NEK9: variants seen among roughly 807,000 people sequenced by gnomAD.
NEK9 encodes serine/threonine-protein kinase Nek9.
NEK9 carries 75 observed loss-of-function variants against 123.4 expected under a neutral mutation model. The observed-to-expected ratio is 0.61, with a 90% CI of 0.50 to 0.74. NEK9 has a LOEUF of 0.74. Ranked by LOEUF, NEK9 falls within the 30% of genes least tolerant of loss-of-function variation. The pLI is 0.00. For synonymous variants in NEK9, 438 were observed against 458.7 expected (o/e 0.95, Z 0.58); for missense variants, 952 against 1,214.4 (o/e 0.78, Z 3.21).
In NEK9 at chr14:75,124,034, A is replaced by T. The variant is rs1301321466; in HGVS notation, c.397+12T>A. 1 of 1,599,132 alleles carries T rather than the reference A, an allele frequency of 6.3e-7. No homozygotes were observed. Among genetic ancestry groups the T allele is most frequent in the Admixed American group, 1.7e-5 (1 of 59,834 alleles). ...AGTCTTGCTGGAAAAGTCCCACTGA[A>T]CTCTATCTTACCATTACAATATTCC... On this transcript the variant is annotated intron_variant, in intron 2 of 21. Transcript: ENST00000238616.
chr14:75,093,323 C>T (rs903096901), intron 18 of NEK9, among the ~76,000 whole-genome samples: 6 of 152,296 alleles, frequency 3.9e-5, no homozygotes, highest in Middle Eastern at 3.4e-3. Context: ...CTGTATTTGC[C>T]GTGTGAATTC....
chr14:75,120,699 C>A, intron 3 of NEK9, 119 bp from the exon 4 acceptor site: 2 of 745,164 alleles, frequency 2.7e-6, no homozygotes, highest in South Asian at 1.8e-5. Flanking sequence ...TTCAACATGA[C>A]TTGACATCTC....
In NEK9 at chr14:75,084,369, A is replaced by C. The variant is rs949933855; in HGVS notation, c.*195T>G. On this transcript the variant is annotated 3_prime_UTR_variant, in exon 22 of 22. Coordinates refer to ENST00000238616, the MANE Select transcript of NEK9 (RefSeq NM_033116.6). ...TGGGGGCCCTTCCATTCTCCAAAAC[A>C]ATAAAATCACTCCTAGATCCTATCT... 1.5e-6 allele frequency: 1 copy of C among 657,352 alleles called. No homozygotes were observed. The highest frequency in any genetic ancestry group is 2.6e-6 in the Non-Finnish European group (1 of 382,760). 40.7% of individuals were successfully genotyped at this position (657,352 alleles called of 1,614,324 possible).
Position 75,126,959 on chromosome 14 carries a change from G to A in NEK9, c.-38C>T, listed in dbSNP as rs906184977. On this transcript the variant is annotated 5_prime_UTR_variant, in exon 1 of 22. Transcript: ENST00000238616. ...GGGCCTTGGGGACCAGCCTGCGTAT[G>A]CCCGGAGGCCCTGGCCGCGCTGCGT... 7.2e-7 allele frequency: 1 copy of A among 1,392,818 alleles called. No individual in the cohort carries two copies. The highest frequency in any genetic ancestry group is 3.3e-5 in the Admixed American group (1 of 30,558). 86.3% of individuals were successfully genotyped at this position (1,392,818 alleles called of 1,614,324 possible).
intron 12 of NEK9, 64 bp from the exon 13 acceptor site, chr14:75,106,060 G>A (rs1206119093): frequency 1.4e-6 from 2 of 1,445,016 alleles, no homozygotes; most frequent in East Asian, 2.3e-5. Context: ...AATAGGTTCT[G>A]TAAGATTCTC....
At position 75,109,163 on chromosome 14, in the gene NEK9, A is replaced by G. The variant is rs73311614; in HGVS notation, c.1182+522T>C. On this transcript the variant is annotated intron_variant, in intron 10 of 21. Transcript: ENST00000238616. Reference sequence around the variant, plus strand: ...AATGAAGAGAGAGTGGGAGATAAGGAAACAGACAGCAAACACAGACAATTT... The same window carrying G: ...AATGAAGAGAGAGTGGGAGATAAGGGAACAGACAGCAAACACAGACAATTT... Among the ~76,000 whole-genome samples, 143 of 152,330 alleles carry G rather than the reference A, an allele frequency of 9.4e-4. 2 individuals are homozygous for G. The highest frequency in any genetic ancestry group is 3.1e-3 in the African/African-American group (128 of 41,568).
intron 2 of NEK9, among the ~76,000 whole-genome samples, chr14:75,122,649 C>A (rs1895375562): frequency 6.6e-6 from 1 of 151,788 alleles, no homozygotes. Context: ...GGATTACAGG[C>A]ACGCGCCACC....
intron 4 of NEK9, among the ~76,000 whole-genome samples, chr14:75,119,503 A>G (rs980896542): frequency 1.3e-5 from 2 of 152,200 alleles, no homozygotes; most frequent in African/African-American, 4.8e-5. Flanking sequence ...CTCCCATACT[A>G]CTGAAGCTAT....
rs1895084743 is a variant in NEK9, at chr14:75,115,030, T to G, written c.763-717A>C. Among the ~76,000 whole-genome samples the G allele has an allele frequency of 2.7e-5, 4 of 150,100 alleles. No homozygotes were observed. The South Asian group carries it at 8.4e-4, about 31-fold the overall frequency. ...ATATACACACACATATATGTGTATA[T>G]ATGTATATGTGCATGTGTACATGTA... On this transcript the variant is annotated intron_variant, in intron 6 of 21. Transcript: ENST00000238616.
chr14:75,103,827 A>T lies in NEK9; in HGVS notation c.1731+15T>A, dbSNP rs763561099. 6.2e-7 allele frequency: 1 copy of T among 1,602,828 alleles called. No homozygotes were observed. The highest frequency in any genetic ancestry group is 8.5e-7 in the Non-Finnish European group (1 of 1,174,766). Reference sequence around the variant, plus strand: ...ATTCTGATGATGTGGTTAGAACACCAATCAGGACACTCACTTCATGGTTGA... The same window carrying T: ...ATTCTGATGATGTGGTTAGAACACCTATCAGGACACTCACTTCATGGTTGA... On this transcript the variant is annotated intron_variant, in intron 14 of 21. Transcript: ENST00000238616.
At position 75,082,580 on chromosome 14, in the gene NEK9, T is replaced by C. The variant is rs1390620785; in HGVS notation, c.*1984A>G. On this transcript the variant is annotated 3_prime_UTR_variant, in exon 22 of 22. Coordinates refer to ENST00000238616, the MANE Select transcript of NEK9 (RefSeq NM_033116.6). ...GAAAATGACCACAGCGTTCCACTGC[T>C]AGGGAAAGGCTCCCCTATGAACAAG... is the stretch of plus-strand genomic sequence containing the variant. 1 of 171,312 alleles carries C rather than the reference T, an allele frequency of 5.8e-6. No homozygotes were observed. The highest frequency in any genetic ancestry group is 1.2e-5 in the Non-Finnish European group (1 of 81,104). 10.6% of individuals were successfully genotyped at this position (171,312 alleles called of 1,614,324 possible). A position where few individuals can be genotyped will look rare whatever the true frequency, so the allele number is the denominator to read the frequency against.
At chr14:75,103,193 T>C (rs200530148) in intron 14 of NEK9, among the ~76,000 whole-genome samples, 87 of 113,044 alleles carry the variant, frequency 7.7e-4, no homozygotes, top group African/African-American at 2.6e-3. Flanking sequence ...AAAAGTATAA[T>C]AAAAAAAAAA....
At chr14:75,123,712 T>G (rs1895419208) in intron 2 of NEK9, among the ~76,000 whole-genome samples, 1 of 152,184 alleles carries the variant, frequency 6.6e-6, no homozygotes, top group Admixed American at 6.5e-5. Context: ...TATTAAATAC[T>G]GTATCAAGTG....
Position 75,084,533 on chromosome 14 carries a change from A to C in NEK9, c.*31T>G, listed in dbSNP as rs199677340. The C allele has an allele frequency of 1.4e-4, 225 of 1,612,488 alleles. No individual in the cohort carries two copies. Among genetic ancestry groups the C allele is most frequent in the Middle Eastern group, 6.6e-4 (4 of 6,058 alleles). ...TGTGCTGTGAAGTTCTTTGGGTCCCAGTCTCCTGGGGGCTCTACAGGCTCA... is the reference window on the plus strand; with the variant it reads ...TGTGCTGTGAAGTTCTTTGGGTCCCCGTCTCCTGGGGGCTCTACAGGCTCA... On this transcript the variant is annotated 3_prime_UTR_variant, in exon 22 of 22. Transcript: ENST00000238616.
Position 75,127,032 on chromosome 14 carries a change from C to A in NEK9, c.-111G>T. 1.2e-6 allele frequency: 1 copy of A among 869,116 alleles called. No individual in the cohort carries two copies. The highest frequency in any genetic ancestry group is 1.7e-6 in the Non-Finnish European group (1 of 597,938). The allele number at this position is 869,116 out of a possible 1,614,324, so 53.8% of individuals were successfully genotyped here. On this transcript the variant is annotated 5_prime_UTR_variant, in exon 1 of 22. Transcript: ENST00000238616. ...CCGCGGATCCGTCAGCCCAGCAACC[C>A]CGCGAAGCTCGATGGTGGCTCCTGC...
chr14:75,101,566 G>A, intron 15 of NEK9, 91 bp downstream of exon 15: 1 of 756,730 alleles, frequency 1.3e-6, no homozygotes, highest in East Asian at 2.5e-5. Flanking sequence ...GGGGAAATCG[G>A]GATGATATAC....
At chr14:75,123,104 T>G (rs888200744) in intron 2 of NEK9, among the ~76,000 whole-genome samples, 26 of 152,008 alleles carry the variant, frequency 1.7e-4, no homozygotes, top group African/African-American at 6.3e-4. Context: ...CAAACTCATT[T>G]TAAAATGACA....
At position 75,110,400 on chromosome 14, in the gene NEK9, G is replaced by T; in HGVS notation, c.939-29C>A. The T allele has an allele frequency of 1.9e-6, 3 of 1,576,310 alleles. No individual in the cohort carries two copies. In the South Asian group the frequency reaches 3.3e-5, roughly 18 times the overall value. On this transcript the variant is annotated intron_variant, in intron 8 of 21. Coordinates refer to ENST00000238616, the MANE Select transcript of NEK9 (RefSeq NM_033116.6). ...CCAAAAGAAAAGCAAAGATACATGA[G>T]TGAAATAATAGGTTTTTATATTGCA...
intron 1 of NEK9, among the ~76,000 whole-genome samples, chr14:75,125,148 C>G (rs1594856596): frequency 6.6e-6 from 1 of 151,608 alleles, no homozygotes; most frequent in South Asian, 2.1e-4. Flanking sequence ...TTTTGAATGC[C>G]TCTGCCAAGC....
Sources: gnomAD v4.1 joint callset for allele counts (sites outside exome capture counted in the v4.1 genomes callset) on GRCh38, gnomAD v4.1.1 for gene constraint, MANE v1.5 for transcripts, NCBI Gene and HGNC (gene_info 2026-07-23, HGNC 2026-07-21) for gene names.